The following PROCR variants were observed in gnomAD, a reference collection of about 807,000 sequenced individuals.
The protein encoded by PROCR is protein C receptor.
PROCR carries 22 observed loss-of-function variants against 24.2 expected under a neutral mutation model. The observed-to-expected ratio is 0.91, with a 90% confidence interval of 0.65 to 1.30. PROCR has a LOEUF of 1.30. Ranked by LOEUF, PROCR falls within the 50% of genes most tolerant of loss-of-function variation. The pLI is 0.00. For synonymous variants in PROCR, 137 were observed against 139.2 expected, an observed-to-expected ratio of 0.98 and a Z score of 0.11; for missense variants, 288 against 307.7, an observed-to-expected ratio of 0.94 and a Z score of 0.48.
At position 35,205,037 on chromosome 20, in the gene PROCR, G is replaced by A. The variant is rs375241834; in HGVS notation, c.95-10856G>A. ...CCTGTAATCCCAGCACTTTGGGAGG[G>A]TGAAGCGGGCAGATCACCTGAGGTC... On this transcript the variant is annotated intron_variant, in intron 1 of 1. Transcript: ENST00000634509. Among the ~76,000 whole-genome samples the A allele has an allele frequency of 2.6e-4, 39 of 151,828 alleles. No individual in the cohort carries two copies. The East Asian group carries it at 7.3e-3, about 28-fold the overall frequency.
intron 1 of PROCR, among the ~76,000 whole-genome samples, chr20:35,204,405 T>TCCC (rs2060330343): frequency 7.6e-6 from 1 of 130,804 alleles, no homozygotes; most frequent in African/African-American, 2.8e-5. Context: ...TCCTTCTCTC[T>TCCC]TTTCTTTCCT....
intron 1 of PROCR, among the ~76,000 whole-genome samples, chr20:35,205,778 T>TACACAC (rs374177415): frequency 7.3e-4 from 99 of 135,820 alleles, no homozygotes; most frequent in African/African-American, 2.8e-3. Flanking sequence ...TATATATATA[T>TACACAC]ATATATATAT....
chr20:35,193,407 C>T (rs2086190566), intron 1 of PROCR, among the ~76,000 whole-genome samples: 1 of 152,158 alleles, frequency 6.6e-6, no homozygotes, highest in Non-Finnish European at 1.5e-5. Context: ...ATCTCTTGAC[C>T]TCGTGATCTG....
In PROCR at chr20:35,205,919, C is replaced by A. The variant is rs945695473; in HGVS notation, c.95-9974C>A. 4.7e-5 allele frequency among the ~76,000 whole-genome samples: 7 copies of A among 148,700 alleles called. No individual in the cohort carries two copies. The South Asian group carries it at 1.5e-3, about 32-fold the overall frequency. On this transcript the variant is annotated intron_variant, in intron 1 of 1. Coordinates refer to the PROCR transcript ENST00000634509. ...TGACCTCCGGTGATCCCCCCCCCAACCTCGGCCTCCCAAAGTGCTGGGATT... is the reference window on the plus strand; with the variant it reads ...TGACCTCCGGTGATCCCCCCCCCAAACTCGGCCTCCCAAAGTGCTGGGATT...
chr20:35,201,094 T>C lies in PROCR; in HGVS notation c.95-14799T>C, dbSNP rs1389093998. On this transcript the variant is annotated intron_variant, in intron 1 of 1. Coordinates refer to the PROCR transcript ENST00000634509. ...AGTTGTGAGATGTCAGTGTTTTACT[T>C]GAAGTGTTAAAACATTGATTTTAAG... is the stretch of plus-strand genomic sequence containing the variant. Among the ~76,000 whole-genome samples the C allele has an allele frequency of 2.6e-5, 4 of 152,176 alleles. No individual in the cohort carries two copies. In the East Asian group the frequency reaches 7.7e-4, roughly 29 times the overall value.
At chr20:35,178,510 T>TTGTTTTTTG (rs1171835101), downstream of PROCR, among the ~76,000 whole-genome samples, 2 of 41,820 alleles carry the variant, frequency 4.8e-5, no homozygotes, top group African/African-American at 2.2e-4. Context: ...AGTCTCAGTT[T>TTGTTTTTTG]TTTTTTTTTT....
chr20:35,187,791 T>G (rs1337747612), intron 1 of PROCR, among the ~76,000 whole-genome samples: 2 of 152,204 alleles, frequency 1.3e-5, no homozygotes, highest in Non-Finnish European at 2.9e-5. Context: ...AGAGGGAGTT[T>G]GTAATCTCTG....
At chr20:35,190,494 C>G (rs1431590593) in intron 1 of PROCR, among the ~76,000 whole-genome samples, 2 of 152,136 alleles carry the variant, frequency 1.3e-5, no homozygotes, top group African/African-American at 4.8e-5. Context: ...AAACAAAACC[C>G]ATTATTTTAT....
chr20:35,195,594 G>T (rs1007801292), intron 1 of PROCR, among the ~76,000 whole-genome samples: 2 of 152,134 alleles, frequency 1.3e-5, no homozygotes, highest in Non-Finnish European at 2.9e-5. Flanking sequence ...GCCAAGGTGG[G>T]TGGATCACCT....
chr20:35,174,988 G>A (rs1316399577), intron 2 of PROCR, 35 bp downstream of exon 2: 1 of 1,376,396 alleles, frequency 7.3e-7, no homozygotes, highest in Non-Finnish European at 9.6e-7. Flanking sequence ...GGGTCTGGGC[G>A]GGGCTAGTGG....
At chr20:35,179,636 T>G (rs2086059912), downstream of PROCR, among the ~76,000 whole-genome samples, 3 of 152,210 alleles carry the variant, frequency 2.0e-5, no homozygotes. Flanking sequence ...CATCTCTACC[T>G]TAATGTTCTG....
In PROCR at chr20:35,174,843, A is replaced by C; in HGVS notation, c.212A>C (p.Gln71Pro). 6.2e-7 allele frequency: 1 copy of C among 1,614,060 alleles called. No individual in the cohort carries two copies. The highest frequency in any genetic ancestry group is 8.5e-7 in the Non-Finnish European group (1 of 1,179,974). ...ACCAACACCACGATCATTCAGCTGC[A>C]GCCCTTGCAGGAGCCCGAGAGCTGG... ...PDTNTTIIQL[Q>P]PLQEPESWAR... is the part of the protein sequence containing the mutation. Residue 71 changes from glutamine to proline, a missense_variant, in exon 2 of 4, where the codon CAG becomes CCG. Gln to Pro is a moderately conservative substitution (Grantham distance 76). Coordinates refer to ENST00000216968, the MANE Select transcript of PROCR (RefSeq NM_006404.5).
In PROCR at chr20:35,207,413, T is replaced by C. The variant is rs1017221978; in HGVS notation, c.95-8480T>C. ...TTGTGTATATATATATATATATATATACACATATGAATATTTTTAAAAGCT... is the reference window on the plus strand; with the variant it reads ...TTGTGTATATATATATATATATATACACACATATGAATATTTTTAAAAGCT... On this transcript the variant is annotated intron_variant, in intron 1 of 1. Coordinates refer to the PROCR transcript ENST00000634509. Among the ~76,000 whole-genome samples the C allele has an allele frequency of 8.0e-3, 1,202 of 149,954 alleles. 6 individuals carry two copies. The highest frequency in any genetic ancestry group is 0.012 in the Non-Finnish European group (776 of 67,314).
intron 1 of PROCR, among the ~76,000 whole-genome samples, chr20:35,186,505 G>C (rs13036857): frequency 6.6e-6 from 1 of 150,766 alleles, no homozygotes. Context: ...GGCTGAGGTT[G>C]CGGTGAGCCA....
chr20:35,210,065 A>G (rs1320498658), intron 1 of PROCR, among the ~76,000 whole-genome samples: 2 of 152,058 alleles, frequency 1.3e-5, no homozygotes, highest in Non-Finnish European at 2.9e-5. Context: ...CATCTCTACA[A>G]AAATTAAAAA....
chr20:35,199,771 T>C (rs1270348242), intron 1 of PROCR, among the ~76,000 whole-genome samples: 2 of 150,976 alleles, frequency 1.3e-5, no homozygotes, highest in Admixed American at 1.3e-4. Context: ...AAACATTTCA[T>C]AGGCTAGAGC....
At chr20:35,192,352 A>C (rs1356377672) in intron 1 of PROCR, among the ~76,000 whole-genome samples, 1 of 152,222 alleles carries the variant, frequency 6.6e-6, no homozygotes, top group Non-Finnish European at 1.5e-5. Context: ...TATTCTGAAT[A>C]AACTTGAGTG....
chr20:35,180,980 C>G (rs527449284), downstream of PROCR, among the ~76,000 whole-genome samples: 3 of 152,076 alleles, frequency 2.0e-5, no homozygotes, highest in Admixed American at 2.0e-4. Flanking sequence ...AATTCTCCTG[C>G]CTCAACCTCC....
intron 1 of PROCR, among the ~76,000 whole-genome samples, chr20:35,211,392 C>A (rs1222258755): frequency 6.6e-6 from 1 of 152,108 alleles, no homozygotes; most frequent in Non-Finnish European, 1.5e-5. Context: ...GGTCCAGGTA[C>A]CTCCCACCCC....
Sources: allele counts gnomAD v4.1 joint callset (sites outside exome capture counted in the v4.1 genomes callset), GRCh38; gene constraint gnomAD v4.1.1; transcripts MANE v1.5; gene names NCBI Gene and HGNC (gene_info 2026-07-23, HGNC 2026-07-21).